Variants in BMP2K observed in about 807,000 individuals in gnomAD.
BMP2K encodes BMP2 inducible kinase.
A neutral mutation model predicts 116.0 loss-of-function variants in BMP2K; 74 were observed. That is an observed-to-expected ratio of 0.64 (90% CI 0.53 to 0.77). The LOEUF is 0.77. Ranked by LOEUF, BMP2K falls within the 30% of genes least tolerant of loss-of-function variation. The pLI, the probability that BMP2K is intolerant of heterozygous loss-of-function variation, is 0.00. For missense variants in BMP2K, 1,365 were observed against 1,403.6 expected, an observed-to-expected ratio of 0.97 and a Z score of 0.44; for synonymous variants, 486 against 502.5, an observed-to-expected ratio of 0.97 and a Z score of 0.44.
chr4:78,858,105 A>C (rs1020477869), intron 7 of BMP2K, among the ~76,000 whole-genome samples: 1 of 152,034 alleles, frequency 6.6e-6, no homozygotes, highest in Non-Finnish European at 1.5e-5. Flanking sequence ...TTAGATTTTA[A>C]AAGCCAAATA....
intron 9 of BMP2K, among the ~76,000 whole-genome samples, chr4:78,863,808 A>G (rs892352380): frequency 3.3e-5 from 5 of 152,122 alleles, no homozygotes; most frequent in Non-Finnish European, 7.4e-5. Flanking sequence ...TTTCTTTGTC[A>G]CTGCCTAATA....
intron 14 of BMP2K, among the ~76,000 whole-genome samples, chr4:78,884,207 G>T (rs1223233290): frequency 6.6e-6 from 1 of 152,096 alleles, no homozygotes; most frequent in East Asian, 1.9e-4. Context: ...TGTGCCTCTA[G>T]TGCCAGCAAC....
At chr4:78,859,195 G>A (rs1477405892) in intron 7 of BMP2K, 2 of 154,696 alleles carry the variant, frequency 1.3e-5, no homozygotes, top group African/African-American at 4.8e-5. Context: ...ATTAATACAG[G>A]TATTTTGGAT....
chr4:78,873,066 G>T (rs1419065044), intron 13 of BMP2K, among the ~76,000 whole-genome samples: 1 of 152,002 alleles, frequency 6.6e-6, no homozygotes, highest in South Asian at 2.1e-4. Flanking sequence ...TGTATGTAAA[G>T]GCATTTTTGG....
chr4:78,799,516 A>C (rs1181873139), intron 1 of BMP2K, among the ~76,000 whole-genome samples: 1 of 152,198 alleles, frequency 6.6e-6, no homozygotes, highest in African/African-American at 2.4e-5. Flanking sequence ...AGTGTATAAG[A>C]ATTTGTGTTT....
chr4:78,801,533 G>A (rs532519946), intron 1 of BMP2K, among the ~76,000 whole-genome samples: 9 of 152,024 alleles, frequency 5.9e-5, no homozygotes, highest in Non-Finnish European at 1.2e-4. Context: ...TTTCTAATTT[G>A]TCTCCCAATT....
intron 1 of BMP2K, among the ~76,000 whole-genome samples, chr4:78,794,436 G>A (rs1245827354): frequency 1.3e-5 from 2 of 152,118 alleles, no homozygotes; most frequent in African/African-American, 2.4e-5. Flanking sequence ...CTTAGAAACT[G>A]TCAGAATACA....
At chr4:78,829,783 T>TTCTTTTCTTTTCTTTTCTTTTCTTTTC (rs1553915833) in intron 2 of BMP2K, among the ~76,000 whole-genome samples, 17 of 110,816 alleles carry the variant, frequency 1.5e-4, no homozygotes, top group African/African-American at 4.6e-4. Flanking sequence ...TTCTTTTCTT[T>TTCTTTTCTTTTCTTTTCTTTTCTTTTC]TCTTTTCTCT....
At chr4:78,864,569 TG>T (rs1315445530) in intron 9 of BMP2K, among the ~76,000 whole-genome samples, 4 of 150,450 alleles carry the variant, frequency 2.7e-5, no homozygotes, top group Non-Finnish European at 2.9e-5. Context: ...TTTTTTTTTT[TG>T]GTACCTCTTG....
intron 13 of BMP2K, among the ~76,000 whole-genome samples, chr4:78,874,224 C>T (rs180691047): frequency 1.3e-4 from 20 of 151,892 alleles, no homozygotes; most frequent in African/African-American, 4.1e-4. Context: ...CAGTATTTGC[C>T]GAACTCTTTG....
chr4:78,814,081 G>A (rs1052233227), intron 1 of BMP2K, among the ~76,000 whole-genome samples: 5 of 152,190 alleles, frequency 3.3e-5, no homozygotes, highest in Admixed American at 2.0e-4. Flanking sequence ...AGCAAAATGG[G>A]GACTTGGAAT....
rs1279098545 is a variant in BMP2K, at chr4:78,826,170, A to G, written c.297+15A>G. 1 of 1,578,666 alleles carries G rather than the reference A, an allele frequency of 6.3e-7. No homozygotes were observed. The highest frequency in any genetic ancestry group is 1.1e-5 in the South Asian group (1 of 88,854). On this transcript the variant is annotated intron_variant, in intron 2 of 15. Transcript: ENST00000502613. The stretch of plus-strand genomic sequence containing the variant: ...TTACAATTATGGTAAGTGAAGGAGT[A>G]GTTCTCTTTCAGAAATTTTGCAAGT...
At chr4:78,854,163 C>CTT (rs765059261) in intron 7 of BMP2K, among the ~76,000 whole-genome samples, 11 of 112,406 alleles carry the variant, frequency 9.8e-5, no homozygotes, top group East Asian at 5.2e-4. Context: ...CAGGTAAAAG[C>CTT]TTTTTTTTTT....
intron 1 of BMP2K, among the ~76,000 whole-genome samples, chr4:78,782,654 A>G (rs1279777165): frequency 1.3e-5 from 2 of 152,224 alleles, no homozygotes; most frequent in Admixed American, 1.3e-4. Context: ...GAAAGAAAAA[A>G]AATAACCCAG....
At chr4:78,849,950 T>A (rs1731170413) in intron 6 of BMP2K, among the ~76,000 whole-genome samples, 1 of 151,732 alleles carries the variant, frequency 6.6e-6, no homozygotes. Flanking sequence ...TAAGTTGATA[T>A]GTGGAGAAAA....
chr4:78,888,066 T>C (rs1418470294), intron 15 of BMP2K: 2 of 152,232 alleles, frequency 1.3e-5, no homozygotes. Flanking sequence ...CTTACAAATG[T>C]AAAGCCAAAA....
chr4:78,818,645 G>A (rs1729469643), intron 1 of BMP2K, among the ~76,000 whole-genome samples: 1 of 152,132 alleles, frequency 6.6e-6, no homozygotes, highest in African/African-American at 2.4e-5. Context: ...ATCCACATAT[G>A]CCTTGGGCAT....
chr4:78,833,283 ATAT>A (rs1730296463), intron 2 of BMP2K, among the ~76,000 whole-genome samples: 1 of 152,110 alleles, frequency 6.6e-6, no homozygotes, highest in Non-Finnish European at 1.5e-5. Context: ...AAAAGTTCTA[ATAT>A]TTTATTCTCA....
rs531913505 is a variant in BMP2K, at chr4:78,792,240, A to AT, written c.178+15523dup. On this transcript the variant is annotated intron_variant, in intron 1 of 15. Transcript: ENST00000502613. ...ATGTACGTTTTCCTAATGATTAGTG[A>AT]TTTTGAGCATCTTTTCATGTGTTTA... is the stretch of plus-strand genomic sequence containing the variant. 1.9e-3 allele frequency among the ~76,000 whole-genome samples: 289 copies of AT among 152,320 alleles called. 1 individual carries two copies. The highest frequency in any genetic ancestry group is 6.6e-3 in the African/African-American group (276 of 41,580).
Sources: gnomAD v4.1 joint callset for allele counts (sites outside exome capture counted in the v4.1 genomes callset) on GRCh38, gnomAD v4.1.1 for gene constraint, MANE v1.5 for transcripts, NCBI Gene and HGNC (gene_info 2026-07-23, HGNC 2026-07-21) for gene names.